The following LAMB4 variants were observed in gnomAD, a reference collection of about 807,000 sequenced individuals.
LAMB4 encodes laminin subunit beta-4.
LAMB4 carries 196 observed loss-of-function variants against 199.2 expected under a neutral mutation model. That is an observed-to-expected ratio of 0.98 (90% CI 0.88 to 1.11). LAMB4 has a LOEUF of 1.11. Ranked by LOEUF, LAMB4 falls within the 50% of genes least tolerant of loss-of-function variation. The pLI is 0.00. For synonymous variants in LAMB4, 744 were observed against 770.6 expected (o/e 0.97, Z 0.57); for missense variants, 2,080 against 2,171.2 (o/e 0.96, Z 0.83).
At chr7:108,123,058 G>T in intron 2 of LAMB4, 73 bp downstream of exon 2, 2 of 1,324,250 alleles carry the variant, frequency 1.5e-6, no homozygotes, top group East Asian at 2.3e-5. Flanking sequence ...AAGTGAATAT[G>T]TTTAAAAACT....
In LAMB4 at chr7:108,063,799, G is replaced by A. The variant is rs200188661; in HGVS notation, c.3023C>T (p.Pro1008Leu). 6.9e-5 allele frequency: 112 copies of A among 1,614,084 alleles called. No homozygotes were observed. The Middle Eastern group carries it at 8.2e-4, about 12-fold the overall frequency. The change falls in exon 22 of 34, where the codon CCA (proline) becomes CTA (leucine). Residue 1008 changes from proline (P) to leucine (L), a missense_variant. By Grantham distance (98) the Pro-to-Leu change is moderately conservative (BLOSUM62 -3). Coordinates refer to ENST00000388781, the MANE Select transcript of LAMB4 (RefSeq NM_007356.3). ...ATTGAGGGCTGATCCATAGTGACCT[G>A]GTTTGCAGAGCTGGCAGTTTGCGCC... ...TQGANCQLCK[P>L]GHYGSALNQT...
chr7:108,024,205 T>A, intron 33 of LAMB4, 27 bp from the exon 34 acceptor site: 1 of 1,405,012 alleles, frequency 7.1e-7, no homozygotes, highest in Non-Finnish European at 9.7e-7. Flanking sequence ...AAAGAAATGA[T>A]ATATTTCCAT....
the LAMB4 span, among the ~76,000 whole-genome samples, chr7:108,015,288 T>A: frequency 4.6e-5 from 7 of 152,198 alleles, no homozygotes; most frequent in Admixed American, 2.6e-4. Context: ...ATATGGAATG[T>A]TTATACAGCT....
At position 108,066,653 on chromosome 7, in the gene LAMB4, G is replaced by GT. The variant is rs1196417667; in HGVS notation, c.2447-54dup. 3.4e-6 allele frequency: 4 copies of GT among 1,187,208 alleles called. No homozygotes were observed. In the African/African-American group the frequency reaches 4.5e-5, roughly 13 times the overall value. 73.5% of individuals were successfully genotyped at this position (1,187,208 alleles called of 1,614,324 possible). ...GAGCGGGGATGAGTGGTGTGTGGTG[G>GT]TGAAAGAGTTACAGTTCTGGTGTCT... On this transcript the variant is annotated intron_variant, in intron 19 of 33. Coordinates refer to ENST00000388781, the MANE Select transcript of LAMB4 (RefSeq NM_007356.3).
In LAMB4 at chr7:108,098,558, G is replaced by A. The variant is rs756677306; in HGVS notation, c.1205C>T (p.Thr402Ile). The change falls in exon 11 of 34, where the codon ACC becomes ATC. Residue 402 changes from threonine to isoleucine, a missense_variant. By Grantham distance (89) the Thr-to-Ile change is moderately conservative. Transcript: ENST00000388781. ...GCTCACACAAATGCCACCAGATATG[G>A]TCCCATCGGGGTCACATTCACAAGC... ...CIPCECDPDGTISGGICVSHS... is the reference protein window; with the variant it reads ...CIPCECDPDGIISGGICVSHS... 3.7e-6 allele frequency: 6 copies of A among 1,608,130 alleles called. No individual in the cohort carries two copies. The highest frequency in any genetic ancestry group is 5.1e-6 in the Non-Finnish European group (6 of 1,178,194).
chr7:108,011,912 TAGA>T, the LAMB4 span, among the ~76,000 whole-genome samples: 2 of 151,798 alleles, frequency 1.3e-5, no homozygotes, highest in African/African-American at 4.8e-5. Context: ...AATAAAGTTC[TAGA>T]AGGAGATGTA....
chr7:108,044,138 T>G, intron 28 of LAMB4: 1 of 337,224 alleles, frequency 3.0e-6, no homozygotes, highest in Non-Finnish European at 5.3e-6. Flanking sequence ...GACTTAGCAC[T>G]AACGAATTTT....
rs756532737 is a variant in LAMB4 at position 108,116,110 on chromosome 7, T to C, written c.86A>G (p.His29Arg). Residue 29 changes from histidine to arginine, a missense_variant, in exon 3 of 34, where the codon CAT becomes CGT. Transcript: ENST00000388781. ...AQDDCNRGAC[H>R]PTTGDLLVGR... The stretch of plus-strand genomic sequence containing the variant: ...CACCAGGAGATCACCAGTGGTGGGA[T>C]GACAGGCACCCCTGTTGCAGTCATC... The C allele has an allele frequency of 9.3e-6, 15 of 1,613,932 alleles. No homozygotes were observed. Among genetic ancestry groups the C allele is most frequent in the Non-Finnish European group, 1.3e-5 (15 of 1,179,934 alleles).
chr7:108,056,933 T>A (rs1331931070), intron 24 of LAMB4, among the ~76,000 whole-genome samples: 3 of 144,732 alleles, frequency 2.1e-5, no homozygotes, highest in South Asian at 2.1e-4. Context: ...ATCATGCCAC[T>A]GCACTCCAGC....
intron 14 of LAMB4, among the ~76,000 whole-genome samples, chr7:108,083,343 G>A (rs1408214521): frequency 6.6e-6 from 1 of 152,174 alleles, no homozygotes. Context: ...CCCCTACATT[G>A]AGGGCTAGTG....
At chr7:108,096,170 TC>T (rs2037587889) in intron 11 of LAMB4, among the ~76,000 whole-genome samples, 1 of 152,142 alleles carries the variant, frequency 6.6e-6, no homozygotes, top group African/African-American at 2.4e-5. Context: ...CCACTCCTTC[TC>T]CCCTCTAATC....
At chr7:108,093,280 T>C (rs1464447045) in intron 12 of LAMB4, among the ~76,000 whole-genome samples, 1 of 152,144 alleles carries the variant, frequency 6.6e-6, no homozygotes, top group Non-Finnish European at 1.5e-5. Context: ...TTAGCCAGGC[T>C]GGTCTTGAAC....
intron 29 of LAMB4, among the ~76,000 whole-genome samples, chr7:108,038,248 C>T (rs1185921201): frequency 6.6e-6 from 1 of 152,068 alleles, no homozygotes; most frequent in African/African-American, 2.4e-5. Flanking sequence ...CAACCTCTGA[C>T]TTCCTGGTTC....
In LAMB4 at chr7:108,029,286, G is replaced by A. The variant is rs998991441; in HGVS notation, c.4993-90C>T. On this transcript the variant is annotated intron_variant, in intron 32 of 33. Transcript: ENST00000388781. ...ATTCTCCTAATTCCATTCATAGAAG[G>A]AATACAGAGGAAACCTTAATCCAGT... 35 of 1,132,092 alleles carry A rather than the reference G, an allele frequency of 3.1e-5. No homozygotes were observed. The Admixed American group carries it at 4.2e-4, about 14-fold the overall frequency. The allele number at this position is 1,132,092 out of a possible 1,614,324, so 70.1% of individuals were successfully genotyped here. A position where few individuals can be genotyped will look rare whatever the true frequency, so the allele number is the denominator to read the frequency against.
rs76572935 is a variant in LAMB4, at chr7:108,056,463, C to T, written c.3380-456G>A. Among the ~76,000 whole-genome samples, 1,004 of 152,228 alleles carry T rather than the reference C, an allele frequency of 6.6e-3. 11 individuals carry two copies. The highest frequency in any genetic ancestry group is 0.023 in the African/African-American group (948 of 41,548). Reference sequence around the variant, plus strand: ...GCTGTCTTCCATTACATAAGGAAAACAATTTCATTTTCCAAAAAGGAGGGG... The same window carrying T: ...GCTGTCTTCCATTACATAAGGAAAATAATTTCATTTTCCAAAAAGGAGGGG... On this transcript the variant is annotated intron_variant, in intron 24 of 33. Transcript: ENST00000388781.
intron 11 of LAMB4, among the ~76,000 whole-genome samples, chr7:108,096,086 C>T (rs2037584397): frequency 6.6e-6 from 1 of 152,206 alleles, no homozygotes; most frequent in African/African-American, 2.4e-5. Context: ...ACATTAACAT[C>T]GTTGCATAAA....
intron 31 of LAMB4, among the ~76,000 whole-genome samples, chr7:108,031,369 G>A (rs371129365): frequency 0.023 from 1,798 of 78,374 alleles, no homozygotes; most frequent in Middle Eastern, 0.062. Flanking sequence ...AAAAGGAAAA[G>A]AAAAAAAAAA....
chr7:108,098,359 T>TAGGG lies in LAMB4; in HGVS notation c.1360+40_1360+43dup, dbSNP rs773557601. On this transcript the variant is annotated intron_variant, in intron 11 of 33. Coordinates refer to ENST00000388781, the MANE Select transcript of LAMB4 (RefSeq NM_007356.3). The stretch of plus-strand genomic sequence containing the variant: ...AAAACAGACAAACCAACCAACCACA[T>TAGGG]AGGGGTTGATGGACACTCCCCCGAC... 9 of 1,514,732 alleles carry TAGGG rather than the reference T, an allele frequency of 5.9e-6. No individual in the cohort carries two copies. In the South Asian group the frequency reaches 1.0e-4, roughly 17 times the overall value. The allele number at this position is 1,514,732 out of a possible 1,614,324, so 93.8% of individuals were successfully genotyped here. A position where few individuals can be genotyped will look rare whatever the true frequency, so the allele number is the denominator to read the frequency against.
At chr7:108,063,063 C>T (rs1356487412) in intron 22 of LAMB4, 69 bp from the exon 23 acceptor site, 3 of 1,039,440 alleles carry the variant, frequency 2.9e-6, no homozygotes, top group Non-Finnish European at 4.1e-6. Flanking sequence ...ACCATACAAA[C>T]AGCGTTTTAG....
Sources: allele counts gnomAD v4.1 joint callset (sites outside exome capture counted in the v4.1 genomes callset), GRCh38; gene constraint gnomAD v4.1.1; transcripts MANE v1.5; gene names NCBI Gene and HGNC (gene_info 2026-07-23, HGNC 2026-07-21).